ELAPOR2: variants seen among roughly 807,000 people sequenced by gnomAD.
ELAPOR2 encodes endosome-lysosome associated apoptosis and autophagy regulator family member 2.
In ELAPOR2, 89 loss-of-function variants were observed where a neutral mutation model predicts 120.7. The observed-to-expected ratio is 0.74, with a 90% CI of 0.62 to 0.88. The LOEUF (loss-of-function observed/expected upper bound fraction) is 0.88, where lower values mean the gene tolerates loss of function less well. ELAPOR2 is among the 40% of genes least tolerant of loss of function. ELAPOR2 has a pLI of 0.00. For missense variants in ELAPOR2, 1,134 were observed against 1,251.6 expected (o/e 0.91, Z 1.42); for synonymous variants, 444 against 444.9 (o/e 1.00, Z 0.03).
intron 10 of ELAPOR2, among the ~76,000 whole-genome samples, chr7:86,924,777 G>T (rs184298086): frequency 6.6e-6 from 1 of 151,362 alleles, no homozygotes; most frequent in Non-Finnish European, 1.5e-5. Context: ...GATTTAAAAC[G>T]TATGTGTTAA....
chr7:86,933,717 C>T (rs1355816423), intron 8 of ELAPOR2, among the ~76,000 whole-genome samples: 1 of 152,012 alleles, frequency 6.6e-6, no homozygotes, highest in Non-Finnish European at 1.5e-5. Flanking sequence ...TATATTTTAA[C>T]TCCCTCACCC....
intron 5 of ELAPOR2, 24 bp downstream of exon 5, chr7:86,941,994 A>G: frequency 6.9e-7 from 1 of 1,446,024 alleles, no homozygotes; most frequent in Non-Finnish European, 9.5e-7. Flanking sequence ...TTGGCAAAGA[A>G]GAAGGAAATA....
At chr7:86,937,949 T>C (rs905732280) in intron 8 of ELAPOR2, among the ~76,000 whole-genome samples, 177 bp downstream of exon 8, 1 of 152,110 alleles carries the variant, frequency 6.6e-6, no homozygotes, top group Non-Finnish European at 1.5e-5. Context: ...CAGGACTTAA[T>C]GGTATATGTG....
chr7:86,945,747 T>C (rs1250626211), intron 3 of ELAPOR2, among the ~76,000 whole-genome samples: 1 of 152,138 alleles, frequency 6.6e-6, no homozygotes, highest in African/African-American at 2.4e-5. Flanking sequence ...TTTCTAGCCT[T>C]TGCAACCTGG....
intron 21 of ELAPOR2, among the ~76,000 whole-genome samples, chr7:86,885,424 T>C (rs537051747): frequency 6.6e-6 from 1 of 152,298 alleles, no homozygotes; most frequent in African/African-American, 2.4e-5. Flanking sequence ...TAGCAGCTGA[T>C]ATGCTGGTCA....
chr7:86,989,723 T>A lies in ELAPOR2; in HGVS notation c.190-24699A>T, dbSNP rs767196582. ...GTGGAATCCCTTTATTGAGCTCTGT[T>A]CTTTAAATTGAAATCTTAAGGAGCA... On this transcript the variant is annotated intron_variant, in intron 1 of 21. Coordinates refer to ENST00000450689, the MANE Select transcript of ELAPOR2 (RefSeq NM_001142749.3). 1.7e-3 allele frequency among the ~76,000 whole-genome samples: 264 copies of A among 152,336 alleles called. 1 individual carries two copies. The highest frequency in any genetic ancestry group is 3.1e-3 in the Non-Finnish European group (213 of 68,032).
rs1420295693 is a variant in ELAPOR2 at position 86,909,822 on chromosome 7, A to G, written c.2349T>C (p.Asp783=). 29 of 1,609,064 alleles carry G rather than the reference A, an allele frequency of 1.8e-5. No individual in the cohort carries two copies. The highest frequency in any genetic ancestry group is 2.5e-5 in the Non-Finnish European group (29 of 1,177,782). ...CCAAAGGAAGCTTACCTATGAATGT[A>G]TCTGCCAGAATGATGGATTGTGATG... ...ALSSQSIILA[D]TFIGVTVETT... Residue 783 remains aspartate (D), a synonymous_variant, in exon 16 of 22, where the codon GAT becomes GAC. Transcript: ENST00000450689.
intron 1 of ELAPOR2, among the ~76,000 whole-genome samples, chr7:87,014,424 C>T (rs1466607252): frequency 6.6e-6 from 1 of 152,098 alleles, no homozygotes; most frequent in Admixed American, 6.6e-5. Context: ...ATAAAAGTGA[C>T]ATTTCCAGAC....
intron 8 of ELAPOR2, among the ~76,000 whole-genome samples, chr7:86,934,721 C>G (rs976860793): frequency 6.6e-6 from 1 of 151,996 alleles, no homozygotes; most frequent in African/African-American, 2.4e-5. Context: ...TTCTCAGATT[C>G]ACATAGCTAG....
At chr7:86,924,589 T>C (rs1170071451) in intron 10 of ELAPOR2, among the ~76,000 whole-genome samples, 1 of 151,920 alleles carries the variant, frequency 6.6e-6, no homozygotes, top group African/African-American at 2.4e-5. Flanking sequence ...ATTTTTTAAG[T>C]GGGATTGTTG....
chr7:86,887,696 T>C (rs1337798946), intron 21 of ELAPOR2, among the ~76,000 whole-genome samples: 2 of 152,100 alleles, frequency 1.3e-5, no homozygotes, highest in African/African-American at 4.8e-5. Context: ...TATGGTACTA[T>C]TGAGCATTGT....
At chr7:86,959,280 G>T (rs1373748204) in intron 2 of ELAPOR2, among the ~76,000 whole-genome samples, 2 of 152,044 alleles carry the variant, frequency 1.3e-5, no homozygotes, top group Non-Finnish European at 2.9e-5. Context: ...AAATAATTTT[G>T]CTCCTCCTTT....
chr7:86,911,881 C>G, intron 15 of ELAPOR2, 191 bp downstream of exon 15: 1 of 612,736 alleles, frequency 1.6e-6, no homozygotes, highest in Non-Finnish European at 2.9e-6. Context: ...CACTGAGAAC[C>G]AGACAAGGTT....
intron 1 of ELAPOR2, among the ~76,000 whole-genome samples, chr7:87,044,011 T>C (rs1794866227): frequency 1.4e-5 from 2 of 146,104 alleles, no homozygotes; most frequent in South Asian, 4.5e-4. Context: ...TCACAATTGC[T>C]TCAAAGAGAA....
intron 18 of ELAPOR2, among the ~76,000 whole-genome samples, chr7:86,899,320 T>C (rs927232426): frequency 6.6e-5 from 10 of 152,126 alleles, no homozygotes; most frequent in Admixed American, 6.6e-4. Context: ...CATGAATTCA[T>C]TAAAACTAGA....
chr7:86,944,080 T>A (rs1584379340), intron 4 of ELAPOR2, among the ~76,000 whole-genome samples: 1 of 152,190 alleles, frequency 6.6e-6, no homozygotes, highest in East Asian at 1.9e-4. Flanking sequence ...AAATTTGTTT[T>A]AAAATTTTTA....
chr7:86,950,518 T>C (rs1791201262), intron 2 of ELAPOR2, among the ~76,000 whole-genome samples: 1 of 152,094 alleles, frequency 6.6e-6, no homozygotes, highest in African/African-American at 2.4e-5. Flanking sequence ...TGCCACCATA[T>C]TCCCCGGTGC....
intron 1 of ELAPOR2, among the ~76,000 whole-genome samples, chr7:87,038,616 G>T (rs1244062973): frequency 2.6e-5 from 4 of 152,118 alleles, no homozygotes; most frequent in African/African-American, 9.6e-5. Context: ...AATAAAACTA[G>T]AAATTAATAA....
At chr7:86,912,886 A>C (rs565150980) in intron 14 of ELAPOR2, 55 bp downstream of exon 14, 1 of 1,581,172 alleles carries the variant, frequency 6.3e-7, no homozygotes, top group South Asian at 1.1e-5. Context: ...GAACGCTTGA[A>C]TTTCTCTATT....
Sources: gnomAD v4.1 joint callset for allele counts (sites outside exome capture counted in the v4.1 genomes callset) on GRCh38, gnomAD v4.1.1 for gene constraint, MANE v1.5 for transcripts, NCBI Gene and HGNC (gene_info 2026-07-23, HGNC 2026-07-21) for gene names.